ZSWIM6: variants seen among roughly 807,000 people sequenced by gnomAD.
ZSWIM6 encodes the protein zinc finger SWIM-type containing 6.
A neutral mutation model predicts 113.2 loss-of-function variants in ZSWIM6; 9 were observed. That is an observed-to-expected ratio of 0.08 (90% CI 0.05 to 0.14). The LOEUF (loss-of-function observed/expected upper bound fraction) is 0.14, where lower values mean the gene tolerates loss of function less well. Among genes scored for constraint, ZSWIM6 ranks in the 10% least tolerant of loss-of-function variants. The pLI, the probability that ZSWIM6 is intolerant of heterozygous loss-of-function variation, is 1.00. For missense variants in ZSWIM6, 1,162 were observed against 1,552.2 expected (o/e 0.75, Z 4.22); for synonymous variants, 611 against 606.5 (o/e 1.01, Z -0.11).
chr5:61,441,649 G>A (rs965945384), intron 1 of ZSWIM6, among the ~76,000 whole-genome samples: 10 of 152,164 alleles, frequency 6.6e-5, no homozygotes, highest in African/African-American at 2.4e-4. Context: ...GGCCAGGTAC[G>A]GATGCGGAGT....
chr5:61,333,702 C>G (rs542409874), intron 1 of ZSWIM6, among the ~76,000 whole-genome samples: 6 of 152,220 alleles, frequency 3.9e-5, no homozygotes, highest in African/African-American at 1.4e-4. Flanking sequence ...CCGTAGGACG[C>G]TTACTAATTA....
chr5:61,353,474 T>C (rs1222021278), intron 1 of ZSWIM6, among the ~76,000 whole-genome samples: 2 of 152,198 alleles, frequency 1.3e-5, no homozygotes. Context: ...TACTTTGTTT[T>C]CCAAGTGTTG....
intron 4 of ZSWIM6, among the ~76,000 whole-genome samples, chr5:61,502,911 C>T (rs566059833): frequency 2.8e-4 from 43 of 152,292 alleles, no homozygotes; most frequent in African/African-American, 1.0e-3. Context: ...ACCCCGCCCC[C>T]GCCACCAGTA....
intron 1 of ZSWIM6, among the ~76,000 whole-genome samples, chr5:61,368,243 G>C (rs919326761): frequency 6.6e-6 from 1 of 152,096 alleles, no homozygotes; most frequent in East Asian, 1.9e-4. Flanking sequence ...GTTAGCTGCT[G>C]TATTTTATAT....
intron 1 of ZSWIM6, among the ~76,000 whole-genome samples, chr5:61,377,725 A>G (rs1448180822): frequency 6.6e-6 from 1 of 152,040 alleles, no homozygotes; most frequent in African/African-American, 2.4e-5. Context: ...CAAAAAAAAA[A>G]AAACCCCACA....
chr5:61,382,669 G>A (rs1186120362), intron 1 of ZSWIM6, among the ~76,000 whole-genome samples: 1 of 152,144 alleles, frequency 6.6e-6, no homozygotes, highest in African/African-American at 2.4e-5. Flanking sequence ...GCTGGGCATG[G>A]TGGTGCACTC....
chr5:61,372,360 C>G (rs765838410), intron 1 of ZSWIM6, among the ~76,000 whole-genome samples: 2 of 151,464 alleles, frequency 1.3e-5, no homozygotes, highest in African/African-American at 2.4e-5. Flanking sequence ...GTACTTCATT[C>G]TTTTAACTTT....
intron 2 of ZSWIM6, among the ~76,000 whole-genome samples, chr5:61,484,886 G>T (rs1747973962): frequency 6.6e-6 from 1 of 152,172 alleles, no homozygotes; most frequent in African/African-American, 2.4e-5. Flanking sequence ...ATTTAGCAGT[G>T]TGGCTGTGTA....
rs374739211 is a variant in ZSWIM6 at position 61,510,346 on chromosome 5, T to TG, written c.1334-10911dup. Among the ~76,000 whole-genome samples the TG allele has an allele frequency of 6.6e-3, 1,011 of 152,046 alleles. 4 individuals carry two copies. The highest frequency in any genetic ancestry group is 0.021 in the South Asian group (100 of 4,818). On this transcript the variant is annotated intron_variant, in intron 4 of 13. Transcript: ENST00000252744. The stretch of plus-strand genomic sequence containing the variant: ...TTCTTGTCCACTGGCACTCTGCTTT[T>TG]GGGGGGATGCAGAAGTAACCAAATG...
chr5:61,495,090 A>C (rs560145177), intron 4 of ZSWIM6, among the ~76,000 whole-genome samples: 1 of 152,304 alleles, frequency 6.6e-6, no homozygotes, highest in Middle Eastern at 3.4e-3. Context: ...TAAGAAATCT[A>C]TAAGTGACAC....
At chr5:61,539,532 GTTTA>G in intron 11 of ZSWIM6, 60 bp from the exon 12 acceptor site, 1 of 1,489,842 alleles carries the variant, frequency 6.7e-7, no homozygotes, top group South Asian at 1.3e-5. Flanking sequence ...TATGATTTTT[GTTTA>G]TTTGTTTGTC....
intron 1 of ZSWIM6, among the ~76,000 whole-genome samples, chr5:61,410,164 G>A (rs1382804090): frequency 2.0e-5 from 3 of 152,072 alleles, no homozygotes; most frequent in Non-Finnish European, 2.9e-5. Context: ...ACAAAACTAC[G>A]AAAACTCAGG....
chr5:61,537,919 A>G (rs1749622611), intron 10 of ZSWIM6, among the ~76,000 whole-genome samples: 1 of 152,228 alleles, frequency 6.6e-6, no homozygotes, highest in South Asian at 2.1e-4. Flanking sequence ...TTGCTTTTAG[A>G]AATTTTTTCA....
intron 1 of ZSWIM6, among the ~76,000 whole-genome samples, chr5:61,459,960 C>G (rs1426333653): frequency 1.3e-5 from 2 of 152,284 alleles, no homozygotes; most frequent in East Asian, 3.9e-4. Context: ...TCTGTTTACT[C>G]AAATATTAAT....
In ZSWIM6 at chr5:61,543,209, C is replaced by T. The variant is rs1397811810; in HGVS notation, c.2786-246C>T. On this transcript the variant is annotated intron_variant, in intron 13 of 13. Transcript: ENST00000252744. The surrounding 1 kb of genome is among the most constrained non-coding windows in gnomAD (Gnocchi z 4.3). ...GCAAGCAGCACAGTACAAATACCAG[C>T]TACCAAGAGGATTGGTTCTTTATTA... Among the ~76,000 whole-genome samples the T allele has an allele frequency of 6.9e-6, 1 of 144,162 alleles. No homozygotes were observed. Among genetic ancestry groups the T allele is most frequent in the Non-Finnish European group, 1.6e-5 (1 of 64,142 alleles). The allele number at this position is 144,162 out of a possible 152,430, so 94.6% of individuals were successfully genotyped here. A position where few individuals can be genotyped will look rare whatever the true frequency, so the allele number is the denominator to read the frequency against.
chr5:61,454,413 A>G (rs1292108067), intron 1 of ZSWIM6, among the ~76,000 whole-genome samples: 2 of 151,456 alleles, frequency 1.3e-5, no homozygotes, highest in African/African-American at 2.4e-5. Context: ...ATGCCATCAC[A>G]CCCAACTAAT....
chr5:61,387,658 G>T (rs916051863), intron 1 of ZSWIM6, among the ~76,000 whole-genome samples: 2 of 152,126 alleles, frequency 1.3e-5, no homozygotes, highest in Non-Finnish European at 2.9e-5. Flanking sequence ...TGTAATTCCA[G>T]CACTTTGGGA....
At chr5:61,507,330 A>G (rs928702154) in intron 4 of ZSWIM6, among the ~76,000 whole-genome samples, 7 of 152,316 alleles carry the variant, frequency 4.6e-5, no homozygotes, top group African/African-American at 1.7e-4. Flanking sequence ...ACCATGAAGG[A>G]GAAGGAACTT....
At position 61,541,876 on chromosome 5, in the gene ZSWIM6, T is replaced by C; in HGVS notation, c.2704-8T>C. ...TTTCTAAAACATTTTGTTACCCTGT[T>C]TTTATAGGTTATGCGAATGACACTG... On this transcript the variant is annotated splice_region_variant and splice_polypyrimidine_tract_variant and intron_variant, in intron 12 of 13. Coordinates refer to ENST00000252744, the MANE Select transcript of ZSWIM6 (RefSeq NM_020928.2). The C allele has an allele frequency of 6.5e-7, 1 of 1,549,370 alleles. No homozygotes were observed. Among genetic ancestry groups the C allele is most frequent in the Non-Finnish European group, 8.7e-7 (1 of 1,144,978 alleles).
Sources: gnomAD v4.1 joint callset for allele counts (sites outside exome capture counted in the v4.1 genomes callset) on GRCh38, gnomAD v4.1.1 for gene constraint, Gnocchi (gnomAD v3.1) non-coding constraint, MANE v1.5 for transcripts, NCBI Gene and HGNC (gene_info 2026-07-23, HGNC 2026-07-21) for gene names.